EXT1: variants seen among roughly 807,000 people sequenced by gnomAD.
The protein encoded by EXT1 is exostosin glycosyltransferase 1, also known as exostosin-1.
A neutral mutation model predicts 82.5 loss-of-function variants in EXT1; 20 were observed. That is an observed-to-expected ratio of 0.24 (90% CI 0.17 to 0.35). The LOEUF (loss-of-function observed/expected upper bound fraction) is 0.35. EXT1 is among the 10% of genes least tolerant of loss of function. EXT1 has a pLI of 1.00. For synonymous variants in EXT1, 348 were observed against 350.8 expected (o/e 0.99, Z 0.09); for missense variants, 757 against 936.5 (o/e 0.81, Z 2.50).
intron 1 of EXT1, among the ~76,000 whole-genome samples, chr8:117,911,031 C>A (rs1055859091): frequency 6.6e-6 from 1 of 152,214 alleles, no homozygotes; most frequent in Admixed American, 6.5e-5. Flanking sequence ...TGATTTCTGA[C>A]TGCAAGACTC....
chr8:117,934,677 C>A (rs959068885), intron 1 of EXT1, among the ~76,000 whole-genome samples: 2 of 152,232 alleles, frequency 1.3e-5, no homozygotes, highest in African/African-American at 2.4e-5. Flanking sequence ...AGGAAGCCAG[C>A]CAGCTGGGTG....
intron 8 of EXT1, among the ~76,000 whole-genome samples, chr8:117,812,121 C>T (rs1823335653): frequency 6.6e-6 from 1 of 152,174 alleles, no homozygotes; most frequent in Non-Finnish European, 1.5e-5. Flanking sequence ...CGTCTCCATG[C>T]TTTTTAGTAG....
At chr8:117,814,593 G>T (rs1002861780) in intron 7 of EXT1, among the ~76,000 whole-genome samples, 3 of 152,094 alleles carry the variant, frequency 2.0e-5, no homozygotes, top group African/African-American at 7.2e-5. Flanking sequence ...TGGCCACCGG[G>T]CTGTATCTGA....
At chr8:118,078,310 T>C (rs1817246869) in intron 1 of EXT1, among the ~76,000 whole-genome samples, 1 of 152,238 alleles carries the variant, frequency 6.6e-6, no homozygotes. Flanking sequence ...GCAATTCTCA[T>C]GTCTCTGCTT....
At chr8:118,054,357 C>A (rs1816761702) in intron 1 of EXT1, among the ~76,000 whole-genome samples, 1 of 152,188 alleles carries the variant, frequency 6.6e-6, no homozygotes, top group Non-Finnish European at 1.5e-5. Flanking sequence ...TTGAGTCAAA[C>A]CATTCCACTT....
chr8:117,824,123 TCAAATTTATGTAC>T (rs974967033), intron 4 of EXT1, among the ~76,000 whole-genome samples: 1 of 152,218 alleles, frequency 6.6e-6, no homozygotes, highest in Non-Finnish European at 1.5e-5. Context: ...TTTTTTCTTT[TCAAATTTATGTAC>T]CTTTTAGGAT....
At chr8:117,985,777 T>C (rs1436564399) in intron 1 of EXT1, among the ~76,000 whole-genome samples, 5 of 152,232 alleles carry the variant, frequency 3.3e-5, no homozygotes, top group Non-Finnish European at 7.3e-5. Flanking sequence ...AATCAAAATT[T>C]ATGTGAACTT....
intron 1 of EXT1, among the ~76,000 whole-genome samples, chr8:117,902,288 A>C (rs80330834): frequency 0.05 from 7,576 of 152,204 alleles, 630 homozygotes; most frequent in African/African-American, 0.17. Context: ...TGCACTCTAA[A>C]AATAACAATA....
chr8:117,945,028 G>C (rs1033460479), intron 1 of EXT1, among the ~76,000 whole-genome samples: 5 of 152,158 alleles, frequency 3.3e-5, no homozygotes, highest in East Asian at 3.9e-4. Context: ...CGGGCGCGGT[G>C]GTGGGCGCCT....
chr8:117,897,591 C>CTCTCTTTT (rs775608794), intron 1 of EXT1, among the ~76,000 whole-genome samples: 2 of 90,690 alleles, frequency 2.2e-5, no homozygotes, highest in African/African-American at 8.7e-5. Flanking sequence ...CTTCTTTTCT[C>CTCTCTTTT]TTTTTTTTTT....
intron 1 of EXT1, among the ~76,000 whole-genome samples, chr8:118,059,658 C>T (rs1586369391): frequency 1.3e-5 from 2 of 152,236 alleles, no homozygotes; most frequent in African/African-American, 2.4e-5. Context: ...CAGTTCTGAC[C>T]TGCCCAACCC....
chr8:118,104,401 G>A (rs1817773656), intron 1 of EXT1, among the ~76,000 whole-genome samples: 1 of 152,146 alleles, frequency 6.6e-6, no homozygotes, highest in Non-Finnish European at 1.5e-5. Flanking sequence ...TTCCATGCAG[G>A]GGGCTGGCAC....
chr8:118,094,705 G>A (rs1041044668), intron 1 of EXT1, among the ~76,000 whole-genome samples: 4 of 152,278 alleles, frequency 2.6e-5, no homozygotes, highest in Middle Eastern at 3.4e-3. Flanking sequence ...CCAAGGTCTC[G>A]TAGCTAGTGA....
intron 4 of EXT1, among the ~76,000 whole-genome samples, chr8:117,823,609 G>C (rs559596817): frequency 6.6e-6 from 1 of 151,788 alleles, no homozygotes; most frequent in Non-Finnish European, 1.5e-5. Context: ...TTTAAGTACA[G>C]ACTATTTTAA....
rs1171135662 is a variant in EXT1, at chr8:118,110,638, C to T, written c.409G>A (p.Ala137Thr). Residue 137 changes from alanine (A) to threonine (T), a missense_variant, in exon 1 of 11, where the codon GCC becomes ACC. Physicochemically the swap from Ala to Thr is moderately conservative, Grantham distance 58. Coordinates refer to ENST00000378204, the MANE Select transcript of EXT1 (RefSeq NM_000127.3). ...IAESYQNILA[A>T]IEGSRFYTSD... ...GTGTAGAACCTGGAGCCCTCGATGG[C>T]CGCTAGAATGTTTTGGTAACTTTCG... 5 of 1,614,162 alleles carry T rather than the reference C, an allele frequency of 3.1e-6. No homozygotes were observed. In the Admixed American group the frequency reaches 6.7e-5, roughly 22 times the overall value.
chr8:117,981,317 C>T (rs1185562606), intron 1 of EXT1, among the ~76,000 whole-genome samples: 2 of 152,114 alleles, frequency 1.3e-5, no homozygotes, highest in African/African-American at 2.4e-5. Context: ...TTTGCACTGC[C>T]TATGAACAAA....
intron 1 of EXT1, among the ~76,000 whole-genome samples, chr8:117,841,832 A>G (rs1812279790): frequency 6.6e-6 from 1 of 152,246 alleles, no homozygotes; most frequent in East Asian, 1.9e-4. Context: ...GGACTATGCA[A>G]TAATGCACAA....
In EXT1 at chr8:117,835,521, C is replaced by T. The variant is rs763568003; in HGVS notation, c.1087G>A (p.Gly363Arg). 2 of 1,614,034 alleles carry T rather than the reference C, an allele frequency of 1.2e-6. No individual in the cohort carries two copies. Among genetic ancestry groups the T allele is most frequent in the African/African-American group, 2.7e-5 (2 of 74,926 alleles). Residue 363 changes from glycine (G) to arginine (R), a missense_variant, in exon 3 of 11, where the codon GGA (glycine) becomes AGA (arginine). This residue lies in a region of EXT1 where 247 missense variants were observed against 330.1 expected (regional missense o/e 0.75). Coordinates refer to ENST00000378204, the MANE Select transcript of EXT1 (RefSeq NM_000127.3). ...AACVPVMLSNGWELPFSEVIN... is the reference protein window; with the variant it reads ...AACVPVMLSNRWELPFSEVIN... ...ACTTCAGAGAATGGCAACTCCCATC[C>T]ATTGCTGAGCATCACAGGGACGCAG... is the stretch of plus-strand genomic sequence containing the variant.
At chr8:117,934,214 C>T (rs1277960928) in intron 1 of EXT1, among the ~76,000 whole-genome samples, 2 of 151,938 alleles carry the variant, frequency 1.3e-5, no homozygotes, top group Admixed American at 6.6e-5. Context: ...TGTTCTCCTC[C>T]ATGTGTTTCC....
Sources: allele counts gnomAD v4.1 joint callset (sites outside exome capture counted in the v4.1 genomes callset), GRCh38; gene constraint gnomAD v4.1.1; regional missense constraint gnomAD v4.1.1; transcripts MANE v1.5; gene names NCBI Gene and HGNC (gene_info 2026-07-23, HGNC 2026-07-21).